SLFN14: variants seen among roughly 807,000 people sequenced by gnomAD.
SLFN14 encodes the protein protein SLFN14.
In SLFN14, 47 loss-of-function variants were observed where a neutral mutation model predicts 58.6. That is an observed-to-expected ratio of 0.80 (90% CI 0.64 to 1.02). SLFN14 has a LOEUF of 1.02. SLFN14 is among the 50% of genes least tolerant of loss of function. SLFN14 has a pLI of 0.00. For synonymous variants in SLFN14, 390 were observed against 387.3 expected, an observed-to-expected ratio of 1.01 and a Z score of -0.08; for missense variants, 967 against 1,078.4, an observed-to-expected ratio of 0.90 and a Z score of 1.45.
rs751898033 is a variant in SLFN14 at position 35,548,193 on chromosome 17, A to G, written c.*46T>C. 99 of 1,516,430 alleles carry G rather than the reference A, an allele frequency of 6.5e-5. No homozygotes were observed. Among genetic ancestry groups the G allele is most frequent in the Admixed American group, 5.3e-4 (26 of 49,080 alleles). The allele number at this position is 1,516,430 out of a possible 1,614,324, so 93.9% of individuals were successfully genotyped here. A position where few individuals can be genotyped will look rare whatever the true frequency, so the allele number is the denominator to read the frequency against. ...GGAGTCACTGCTACCTGTCTAGGAG[A>G]AAGGACTCTGCTCTTCCTGTCTTCC... is the stretch of plus-strand genomic sequence containing the variant. On this transcript the variant is annotated 3_prime_UTR_variant, in exon 6 of 6. Transcript: ENST00000674182.
chr17:35,548,899 G>A lies in SLFN14; in HGVS notation c.2079C>T (p.Asn693=). 1.9e-6 allele frequency: 3 copies of A among 1,551,700 alleles called. No homozygotes were observed. Among genetic ancestry groups the A allele is most frequent in the Non-Finnish European group, 1.7e-6 (2 of 1,146,996 alleles). The change falls in exon 6 of 6, where the codon AAC becomes AAT. Residue 693 remains asparagine (N), a synonymous_variant. Transcript: ENST00000674182. ...AAAGCCAGAGAATCCCATGGTGAAGGTTTTCACTTCCAGTCCCCTTCGCCT... is the reference window on the plus strand; with the variant it reads ...AAAGCCAGAGAATCCCATGGTGAAGATTTTCACTTCCAGTCCCCTTCGCCT... The part of the protein sequence containing the change: ...HPKAKGTGSE[N]LHHGILWLFL...
chr17:35,553,485 G>C, intron 4 of SLFN14, 41 bp from the exon 5 acceptor site: 1 of 1,423,914 alleles, frequency 7.0e-7, no homozygotes, highest in Non-Finnish European at 9.4e-7. Flanking sequence ...ACTTACAAAA[G>C]CATGTGGTAA....
intron 5 of SLFN14, 126 bp from the exon 6 acceptor site, chr17:35,549,199 G>A: frequency 1.4e-6 from 1 of 735,380 alleles, no homozygotes. Flanking sequence ...TCAGTAGTGT[G>A]AATACCACAA....
At chr17:35,554,328 ATAAT>A (rs974620277) in intron 4 of SLFN14, among the ~76,000 whole-genome samples, 6 of 147,358 alleles carry the variant, frequency 4.1e-5, no homozygotes, top group African/African-American at 1.5e-4. Context: ...ATTATATATA[ATAAT>A]TATATAATAA....
Position 35,547,965 on chromosome 17 carries a change from T to C in SLFN14, c.*274A>G, listed in dbSNP as rs1213137114. On this transcript the variant is annotated 3_prime_UTR_variant, in exon 6 of 6. Coordinates refer to ENST00000674182, the MANE Select transcript of SLFN14 (RefSeq NM_001129820.2). ...GTTCTCTATTTGAGGAAAAATTCTC[T>C]GATGGATGACAGCTGGATTGAGTGG... Among the ~76,000 whole-genome samples the C allele has an allele frequency of 2.6e-5, 4 of 152,210 alleles. No homozygotes were observed. The highest frequency in any genetic ancestry group is 9.6e-5 in the African/African-American group (4 of 41,454).
In SLFN14 at chr17:35,557,751, A is replaced by G; in HGVS notation, c.312T>C (p.Asn104=). ...KYLDYMQQGH[N]LLIFVKSWSP... ...TCCATGACTTCACAAAAATCAGGAG[A>G]TTGTGCCCCTGCTGCATGTAGTCAA... Residue 104 remains asparagine (N), a synonymous_variant, in exon 3 of 6, where the codon AAT becomes AAC. Coordinates refer to ENST00000674182, the MANE Select transcript of SLFN14 (RefSeq NM_001129820.2). 1.3e-6 allele frequency: 2 copies of G among 1,551,716 alleles called. No individual in the cohort carries two copies. Among genetic ancestry groups the G allele is most frequent in the Non-Finnish European group, 1.7e-6 (2 of 1,146,992 alleles).
rs1323551039 is a variant in SLFN14, at chr17:35,557,546, G to A, written c.517C>T (p.Leu173Phe). The change falls in exon 3 of 6, where the codon CTC becomes TTC. Residue 173 changes from leucine (L) to phenylalanine (F), a missense_variant. Leu to Phe is a conservative substitution (Grantham distance 22). Transcript: ENST00000674182. Reference sequence around the variant, plus strand: ...TCCTCTTCCTGAATGCATCTATTGAGAACCTGCTGAGGATGCAACTTCTTC... The same window carrying A: ...TCCTCTTCCTGAATGCATCTATTGAAAACCTGCTGAGGATGCAACTTCTTC... Reference protein sequence around the residue: ...RVKKLHPQQVLNRCIQEEEDM... With the variant: ...RVKKLHPQQVFNRCIQEEEDM... 41 of 1,551,494 alleles carry A rather than the reference G, an allele frequency of 2.6e-5. No homozygotes were observed. The highest frequency in any genetic ancestry group is 3.6e-5 in the Non-Finnish European group (41 of 1,146,996).
At chr17:35,549,783 A>G (rs1350791841) in intron 5 of SLFN14, among the ~76,000 whole-genome samples, 1 of 152,212 alleles carries the variant, frequency 6.6e-6, no homozygotes, top group Non-Finnish European at 1.5e-5. Flanking sequence ...TTACATATGC[A>G]GTTCCTAGGG....
Position 35,549,057 on chromosome 17 carries a change from G to A in SLFN14, c.1921C>T (p.Gln641Ter). Residue 641 changes from glutamine (Q) to a stop codon, truncating the protein, a stop_gained, in exon 6 of 6, where the codon CAA becomes TAA. Transcript: ENST00000674182. LOFTEE classifies it low-confidence loss of function (END_TRUNC). ...ATGAAAGTTTTCCTGGTCACAGCTT[G>A]GCAGGTGGTTTGTTGGCTGTAAGGA... ...KDFVTQQTTCQAVTRKTFMQG... is the reference protein window; with the variant it reads ...KDFVTQQTTC 6.4e-7 allele frequency: 1 copy of A among 1,551,412 alleles called. No homozygotes were observed. Among genetic ancestry groups the A allele is most frequent in the Non-Finnish European group, 8.7e-7 (1 of 1,146,878 alleles).
At chr17:35,560,324 A>G (rs1362597186) in intron 1 of SLFN14, among the ~76,000 whole-genome samples, 1 of 152,128 alleles carries the variant, frequency 6.6e-6, no homozygotes, top group African/African-American at 2.4e-5. Context: ...CACATTTCCC[A>G]GGACTTTTTT....
Position 35,553,252 on chromosome 17 carries a change from A to T in SLFN14, c.1382T>A (p.Ile461Lys). ...EQNVLCDALL[I>K]AVNSPVVLYT... ...GAGTACCACGGGGCTGTTAACTGCT[A>T]TCAGGAGAGCATCACACAGGACATT... The change falls in exon 5 of 6, where the codon ATA becomes AAA. Residue 461 changes from isoleucine to lysine, a missense_variant. Physicochemically the swap from Ile to Lys is moderately radical, Grantham distance 102 (BLOSUM62 -3). Transcript: ENST00000674182. 1 of 1,551,682 alleles carries T rather than the reference A, an allele frequency of 6.4e-7. No homozygotes were observed. Among genetic ancestry groups the T allele is most frequent in the South Asian group, 1.2e-5 (1 of 84,060 alleles).
intron 5 of SLFN14, among the ~76,000 whole-genome samples, chr17:35,551,318 C>T (rs765375816): frequency 1.1e-4 from 16 of 152,200 alleles, no homozygotes; most frequent in Non-Finnish European, 2.4e-4. Context: ...AGGTGGGTAA[C>T]TCTTCCCACA....
chr17:35,554,402 T>A (rs1385724572), intron 4 of SLFN14, among the ~76,000 whole-genome samples, 174 bp downstream of exon 4: 1 of 147,118 alleles, frequency 6.8e-6, no homozygotes, highest in African/African-American at 2.5e-5. Context: ...TTGTTTTCAG[T>A]CATATATATA....
chr17:35,556,135 T>C (rs955815456), intron 3 of SLFN14, among the ~76,000 whole-genome samples: 41 of 152,030 alleles, frequency 2.7e-4, no homozygotes, highest in African/African-American at 9.9e-4. Context: ...CCTCCCAGGC[T>C]CAAGCAATCC....
At chr17:35,549,942 C>T (rs955062266) in intron 5 of SLFN14, among the ~76,000 whole-genome samples, 9 of 152,190 alleles carry the variant, frequency 5.9e-5, no homozygotes, top group African/African-American at 2.2e-4. Context: ...AGCCTTTTGA[C>T]TGGAGTATTT....
rs1200649495 is a variant in SLFN14 at position 35,546,048 on chromosome 17, C to A, written c.*2191G>T. The stretch of plus-strand genomic sequence containing the variant: ...TAAAACAATTCTTTACAAATCAATT[C>A]TTTTATTAAAAATTATATGATGCAT... On this transcript the variant is annotated 3_prime_UTR_variant, in exon 6 of 6. Coordinates refer to ENST00000674182, the MANE Select transcript of SLFN14 (RefSeq NM_001129820.2). Among the ~76,000 whole-genome samples, 1 of 152,110 alleles carries A rather than the reference C, an allele frequency of 6.6e-6. No homozygotes were observed. Among genetic ancestry groups the A allele is most frequent in the Non-Finnish European group, 1.5e-5 (1 of 68,016 alleles).
rs764949897 is a variant in SLFN14, at chr17:35,548,818, A to G, written c.2160T>C (p.Ser720=). 74 of 1,551,632 alleles carry G rather than the reference A, an allele frequency of 4.8e-5. 1 individual carries two copies. The South Asian group carries it at 8.7e-4, about 18-fold the overall frequency. ...TGATTGTTTTTCGAGGAAACTGAGCAGATGGAGGGGGAAGGCCATTGACAT... is the reference window on the plus strand; with the variant it reads ...TGATTGTTTTTCGAGGAAACTGAGCGGATGGAGGGGGAAGGCCATTGACAT... ...HADVNGLPPP[S]AQFPRKTITS... is the part of the protein sequence containing the mutation. Residue 720 remains serine (S), a synonymous_variant, in exon 6 of 6, where the codon TCT becomes TCC. Coordinates refer to ENST00000674182, the MANE Select transcript of SLFN14 (RefSeq NM_001129820.2).
In SLFN14 at chr17:35,553,460, A is replaced by G; in HGVS notation, c.1190-16T>C. 6.7e-7 allele frequency: 1 copy of G among 1,503,702 alleles called. No individual in the cohort carries two copies. The highest frequency in any genetic ancestry group is 8.9e-7 in the Non-Finnish European group (1 of 1,122,368). The allele number at this position is 1,503,702 out of a possible 1,614,324, so 93.1% of individuals were successfully genotyped here. ...TCCTGTGTCACTGAAAATTCAAGGA[A>G]TAGATGTTACCAAAACTTACAAAAG... On this transcript the variant is annotated splice_polypyrimidine_tract_variant and intron_variant, in intron 4 of 5. Transcript: ENST00000674182.
At position 35,557,569 on chromosome 17, in the gene SLFN14, T is replaced by A; in HGVS notation, c.494A>T (p.Lys165Met). The A allele has an allele frequency of 6.4e-7, 1 of 1,551,690 alleles. No individual in the cohort carries two copies. Among genetic ancestry groups the A allele is most frequent in the Non-Finnish European group, 8.7e-7 (1 of 1,146,990 alleles). Residue 165 changes from lysine (K) to methionine (M), a missense_variant, in exon 3 of 6, where the codon AAG becomes ATG. By Grantham distance (95) the Lys-to-Met change is moderately conservative. Coordinates refer to ENST00000674182, the MANE Select transcript of SLFN14 (RefSeq NM_001129820.2). ...GAGAACCTGCTGAGGATGCAACTTC[T>A]TCACCCTTGGTCTTCCTCTTTGGGC... ...FRAQRGRPRV[K>M]KLHPQQVLNR...
Sources: allele counts gnomAD v4.1 joint callset (sites outside exome capture counted in the v4.1 genomes callset), GRCh38; gene constraint gnomAD v4.1.1; transcripts MANE v1.5; gene names NCBI Gene and HGNC (gene_info 2026-07-23, HGNC 2026-07-21).